The following PGAP1 variants were observed in gnomAD, a reference collection of about 807,000 sequenced individuals.
PGAP1 encodes post-GPI attachment to proteins inositol deacylase 1.
PGAP1 carries 76 observed loss-of-function variants against 127.0 expected under a neutral mutation model. That is an observed-to-expected ratio of 0.60 (90% CI 0.50 to 0.72). The LOEUF (loss-of-function observed/expected upper bound fraction) is 0.72. Ranked by LOEUF, PGAP1 falls within the 30% of genes least tolerant of loss-of-function variation. The probability of loss-of-function intolerance (pLI) is 0.00; values close to 1 mark genes in which losing one functional copy is unlikely to be tolerated. For synonymous variants in PGAP1, 362 were observed against 366.5 expected (o/e 0.99, Z 0.14); for missense variants, 982 against 1,071.3 (o/e 0.92, Z 1.16).
chr2:196,841,598 AG>A (rs1700414794), intron 26 of PGAP1, among the ~76,000 whole-genome samples: 1 of 152,144 alleles, frequency 6.6e-6, no homozygotes. Flanking sequence ...GCTCACTGCA[AG>A]CTCCGCCTCC....
intron 23 of PGAP1, 54 bp downstream of exon 23, chr2:196,845,827 CA>C: frequency 6.8e-7 from 1 of 1,464,770 alleles, no homozygotes; most frequent in Non-Finnish European, 9.2e-7. Context: ...GAACATCCTA[CA>C]TGTATGTGCC....
Position 196,853,473 on chromosome 2 carries a change from T to C in PGAP1, c.1862-5436A>G, listed in dbSNP as rs76682227. Among the ~76,000 whole-genome samples the C allele has an allele frequency of 8.0e-3, 1,217 of 152,342 alleles. 10 individuals are homozygous for C. Among genetic ancestry groups the C allele is most frequent in the African/African-American group, 0.028 (1,155 of 41,580 alleles). On this transcript the variant is annotated intron_variant, in intron 20 of 26. Transcript: ENST00000354764. ...CCCAATACTAGCTTTCTTGTTTATA[T>C]TCCTCTATAATATGGGCTTACACTT...
At chr2:196,913,112 A>C in intron 3 of PGAP1, 59 bp from the exon 4 acceptor site, 3 of 1,500,424 alleles carry the variant, frequency 2.0e-6, no homozygotes, top group Non-Finnish European at 2.7e-6. Flanking sequence ...AAAATACTAA[A>C]TATTTCTCTC....
intron 19 of PGAP1, among the ~76,000 whole-genome samples, chr2:196,866,922 AAAC>A (rs1701261873): frequency 6.6e-6 from 1 of 152,032 alleles, no homozygotes; most frequent in African/African-American, 2.4e-5. Context: ...ATGCAAATCA[AAAC>A]AACAATGAGA....
Position 196,848,031 on chromosome 2 carries a change from C to A in PGAP1, c.1868G>T (p.Cys623Phe). 6.3e-7 allele frequency: 1 copy of A among 1,595,216 alleles called. No individual in the cohort carries two copies. Among genetic ancestry groups the A allele is most frequent in the Non-Finnish European group, 8.5e-7 (1 of 1,172,948 alleles). ...ATCCAACATGGTAGCATATTCTAAG[C>A]AACAACCTGGTGATTTAAAAAAAGT... ...QLYSLFSTGC[C>F]LEYATMLDKE... Residue 623 changes from cysteine to phenylalanine, a missense_variant, in exon 21 of 27, where the codon TGC becomes TTC. Coordinates refer to ENST00000354764, the MANE Select transcript of PGAP1 (RefSeq NM_024989.4).
intron 1 of PGAP1, among the ~76,000 whole-genome samples, chr2:196,921,933 C>T (rs1703207041): frequency 6.6e-6 from 1 of 152,024 alleles, no homozygotes; most frequent in South Asian, 2.1e-4. Context: ...TAATTGACCA[C>T]ATTGACAGAA....
chr2:196,872,602 C>G (rs1050492364), intron 17 of PGAP1, 53 bp from the exon 18 acceptor site: 5 of 1,277,300 alleles, frequency 3.9e-6, no homozygotes, highest in Non-Finnish European at 5.7e-6. Context: ...TGGTAAAGAG[C>G]CATGGCTAAG....
At chr2:196,888,264 T>C (rs1174268881) in intron 10 of PGAP1, among the ~76,000 whole-genome samples, 2 of 151,808 alleles carry the variant, frequency 1.3e-5, no homozygotes, top group Admixed American at 1.3e-4. Flanking sequence ...TTCTGTCTAC[T>C]GTATTTAATG....
intron 10 of PGAP1, among the ~76,000 whole-genome samples, chr2:196,886,454 C>A (rs1186772691): frequency 6.6e-6 from 1 of 152,004 alleles, no homozygotes; most frequent in African/African-American, 2.4e-5. Flanking sequence ...AGCCACCACG[C>A]CTCGCCATCT....
Position 196,904,735 on chromosome 2 carries a change from AT to A in PGAP1, c.650-1994del, listed in dbSNP as rs1403333396. Among the ~76,000 whole-genome samples, 32 of 152,114 alleles carry A rather than the reference AT, an allele frequency of 2.1e-4. 1 individual carries two copies. The highest frequency in any genetic ancestry group is 4.6e-4 in the Non-Finnish European group (31 of 68,018). On this transcript the variant is annotated intron_variant, in intron 4 of 26. Coordinates refer to ENST00000354764, the MANE Select transcript of PGAP1 (RefSeq NM_024989.4). ...GAGCGTGACTGTCTCAAAAAAAAAA[AT>A]AAATAAAAGTCTGGAGGCTTGGTTA...
intron 2 of PGAP1, among the ~76,000 whole-genome samples, chr2:196,917,912 C>G (rs765568115): frequency 1.3e-5 from 2 of 152,136 alleles, no homozygotes; most frequent in Non-Finnish European, 2.9e-5. Context: ...AACTCCCAAA[C>G]AGTTTTCCAA....
intron 1 of PGAP1, chr2:196,922,266 A>G (rs1178435024): frequency 2.1e-5 from 25 of 1,188,442 alleles, no homozygotes; most frequent in Non-Finnish European, 2.4e-5. Flanking sequence ...TAAAATATCT[A>G]TTTTATGATA....
intron 23 of PGAP1, 119 bp downstream of exon 23, chr2:196,845,763 T>C: frequency 2.9e-6 from 2 of 694,610 alleles, no homozygotes; most frequent in Non-Finnish European, 4.4e-6. Flanking sequence ...AAACCCGTTA[T>C]GTAACAGAGG....
chr2:196,844,649 T>C lies in PGAP1; in HGVS notation c.2287-75A>G, dbSNP rs1006168669. The C allele has an allele frequency of 2.1e-5, 20 of 955,294 alleles. No homozygotes were observed. In the Admixed American group the frequency reaches 5.3e-4, roughly 25 times the overall value. The allele number at this position is 955,294 out of a possible 1,614,324, so 59.2% of individuals were successfully genotyped here. On this transcript the variant is annotated intron_variant, in intron 23 of 26. Transcript: ENST00000354764. ...CATATAAGCCTTTTGGTATTAAAAA[T>C]GAGAAGCACTGTAATCTGAAATGTT...
intron 19 of PGAP1, among the ~76,000 whole-genome samples, chr2:196,868,409 T>C (rs1701310874): frequency 7.2e-6 from 1 of 138,312 alleles, no homozygotes; most frequent in Non-Finnish European, 1.6e-5. Context: ...GCTGGGTATA[T>C]AAGATACTAC....
At chr2:196,891,914 T>C (rs1370714687) in intron 9 of PGAP1, among the ~76,000 whole-genome samples, 1 of 151,710 alleles carries the variant, frequency 6.6e-6, no homozygotes, top group Non-Finnish European at 1.5e-5. Flanking sequence ...AGCTACTAAA[T>C]CACAGGACCA....
intron 19 of PGAP1, among the ~76,000 whole-genome samples, chr2:196,870,453 C>T (rs973689133): frequency 1.1e-4 from 16 of 152,064 alleles, no homozygotes; most frequent in Admixed American, 6.6e-4. Context: ...TATGCCAGCA[C>T]GCCTGGCTAA....
intron 20 of PGAP1, among the ~76,000 whole-genome samples, chr2:196,850,263 T>G (rs933008846): frequency 6.6e-6 from 1 of 152,230 alleles, no homozygotes; most frequent in African/African-American, 2.4e-5. Context: ...ACCCTGCACA[T>G]ATACCTTTGA....
rs147981854 is a variant in PGAP1, at chr2:196,914,133, T to C, written c.478-1080A>G. On this transcript the variant is annotated intron_variant, in intron 3 of 26. Transcript: ENST00000354764. ...ACTGTGCTCTGAAACCTATCCCCTT[T>C]GACCTTCGCAAGTACCTCACTCTAG... is the stretch of plus-strand genomic sequence containing the variant. Among the ~76,000 whole-genome samples the C allele has an allele frequency of 1.4e-3, 211 of 152,302 alleles. 1 individual carries two copies. Among genetic ancestry groups the C allele is most frequent in the African/African-American group, 4.9e-3 (202 of 41,576 alleles).
Sources: gnomAD v4.1 joint callset for allele counts (sites outside exome capture counted in the v4.1 genomes callset) on GRCh38, gnomAD v4.1.1 for gene constraint, MANE v1.5 for transcripts, NCBI Gene and HGNC (gene_info 2026-07-23, HGNC 2026-07-21) for gene names.